GRIK3: variants seen among roughly 807,000 people sequenced by gnomAD.
GRIK3 encodes the protein glutamate ionotropic receptor kainate type subunit 3, also known as glutamate receptor ionotropic, kainate 3.
In GRIK3, 29 loss-of-function variants were observed where a neutral mutation model predicts 102.5. That is an observed-to-expected ratio of 0.28 (90% CI 0.21 to 0.39). The LOEUF (loss-of-function observed/expected upper bound fraction) is 0.39. Among genes scored for constraint, GRIK3 ranks in the 10% least tolerant of loss-of-function variants. GRIK3 has a pLI of 1.00. For synonymous variants in GRIK3, 511 were observed against 504.9 expected, an observed-to-expected ratio of 1.01 and a Z score of -0.16; for missense variants, 908 against 1,252.4, an observed-to-expected ratio of 0.73 and a Z score of 4.15.
chr1:36,815,208 C>T (rs1299781001), intron 13 of GRIK3, among the ~76,000 whole-genome samples: 2 of 152,206 alleles, frequency 1.3e-5, no homozygotes, highest in Admixed American at 6.5e-5. Context: ...GCAAGTCAAC[C>T]AACATCCCTC....
At chr1:36,882,415 T>A (rs1269620903) in intron 2 of GRIK3, among the ~76,000 whole-genome samples, 1 of 152,106 alleles carries the variant, frequency 6.6e-6, no homozygotes, top group Non-Finnish European at 1.5e-5. Flanking sequence ...AATGGGGGAT[T>A]CTGCCTAAAA....
At chr1:36,860,290 C>T (rs1214364148) in intron 5 of GRIK3, among the ~76,000 whole-genome samples, 3 of 152,152 alleles carry the variant, frequency 2.0e-5, no homozygotes, top group African/African-American at 4.8e-5. Context: ...GGGTTCAATC[C>T]CCTTTCTAGG....
chr1:36,806,245 C>T lies in GRIK3; in HGVS notation c.2173G>A (p.Gly725Ser), dbSNP rs1642501187. The T allele has an allele frequency of 6.2e-7, 1 of 1,614,118 alleles. No homozygotes were observed. The highest frequency in any genetic ancestry group is 8.5e-7 in the Non-Finnish European group (1 of 1,179,942). Reference sequence around the variant, plus strand: ...TCGGCCGTCAGGGCCCTCTGGATGCCCTCCTCGTTGTTCTTCACCAGCGCC... The same window carrying T: ...TCGGCCGTCAGGGCCCTCTGGATGCTCTCCTCGTTGTTCTTCACCAGCGCC... Reference protein sequence around the residue: ...PSALVKNNEEGIQRALTADYA... With the variant: ...PSALVKNNEESIQRALTADYA... The change falls in exon 14 of 16, where the codon GGC becomes AGC. Residue 725 changes from glycine (G) to serine (S), a missense_variant. Physicochemically the swap from Gly to Ser is moderately conservative, Grantham distance 56. This residue lies in a region of GRIK3 where 297 missense variants were observed against 362.7 expected (regional missense o/e 0.82). Coordinates refer to ENST00000373091, the MANE Select transcript of GRIK3 (RefSeq NM_000831.4). The surrounding 1 kb of genome is among the most constrained non-coding windows in gnomAD (Gnocchi z 4.0).
chr1:36,807,570 A>G (rs750312837), intron 13 of GRIK3, among the ~76,000 whole-genome samples: 1 of 152,176 alleles, frequency 6.6e-6, no homozygotes, highest in Non-Finnish European at 1.5e-5. Flanking sequence ...GGGATGGGGA[A>G]GAAGCCATGC....
intron 1 of GRIK3, among the ~76,000 whole-genome samples, chr1:36,912,508 C>A (rs568423457): frequency 1.3e-5 from 2 of 152,136 alleles, no homozygotes; most frequent in East Asian, 3.9e-4. Context: ...GGTCTCTCTT[C>A]CCTGCTCCCT....
intron 7 of GRIK3, among the ~76,000 whole-genome samples, chr1:36,853,930 A>C (rs951533171): frequency 1.3e-5 from 2 of 152,142 alleles, no homozygotes; most frequent in Admixed American, 6.5e-5. Flanking sequence ...AGCCAGCTTT[A>C]CATTTGCACC....
At chr1:36,907,843 C>A (rs1641301090) in intron 1 of GRIK3, among the ~76,000 whole-genome samples, 1 of 152,100 alleles carries the variant, frequency 6.6e-6, no homozygotes, top group African/African-American at 2.4e-5. Context: ...TAGGCACAGG[C>A]AGACCTCGAT....
At position 36,911,025 on chromosome 1, in the gene GRIK3, T is replaced by G. The variant is rs528393167; in HGVS notation, c.116-19929A>C. ...ATGGGGGAGGCAGCACCTGACCTGC[T>G]CGGAGCTGAGCTGTGGAAGGAACAC... On this transcript the variant is annotated intron_variant, in intron 1 of 15. Coordinates refer to ENST00000373091, the MANE Select transcript of GRIK3 (RefSeq NM_000831.4). Among the ~76,000 whole-genome samples the G allele has an allele frequency of 2.6e-5, 4 of 152,198 alleles. No homozygotes were observed. The East Asian group carries it at 7.7e-4, about 29-fold the overall frequency.
intron 1 of GRIK3, among the ~76,000 whole-genome samples, chr1:36,891,406 T>C (rs1478329536): frequency 1.3e-5 from 2 of 152,182 alleles, no homozygotes; most frequent in African/African-American, 4.8e-5. Flanking sequence ...CAGGATAACA[T>C]ACCATGACCA....
At chr1:36,962,550 C>A (rs1354553529) in intron 1 of GRIK3, among the ~76,000 whole-genome samples, 2 of 151,268 alleles carry the variant, frequency 1.3e-5, no homozygotes, top group Non-Finnish European at 2.9e-5. Flanking sequence ...AAGCCAGGGC[C>A]CTGGGTTTGT....
At chr1:36,874,125 T>C (rs1160743306) in intron 3 of GRIK3, among the ~76,000 whole-genome samples, 2 of 152,210 alleles carry the variant, frequency 1.3e-5, no homozygotes, top group African/African-American at 2.4e-5. Flanking sequence ...TGTTACTCTA[T>C]CTGGAAAGAG....
At chr1:36,839,143 G>A (rs947157083) in intron 10 of GRIK3, among the ~76,000 whole-genome samples, 3 of 152,060 alleles carry the variant, frequency 2.0e-5, no homozygotes, top group East Asian at 1.9e-4. Flanking sequence ...GCTCACCTCC[G>A]CACCCAGCCT....
chr1:36,995,371 T>C (rs1383349692), intron 1 of GRIK3, among the ~76,000 whole-genome samples: 2 of 152,180 alleles, frequency 1.3e-5, no homozygotes, highest in African/African-American at 2.4e-5. Flanking sequence ...CTTCAAATGA[T>C]TGACTAAGCC....
chr1:36,865,221 AG>A (rs994115743), intron 5 of GRIK3, among the ~76,000 whole-genome samples: 54 of 152,318 alleles, frequency 3.5e-4, no homozygotes, highest in African/African-American at 1.3e-3. Flanking sequence ...GACATGTACC[AG>A]GGGCTCAGCT....
At chr1:36,954,599 G>A (rs1641882301) in intron 1 of GRIK3, among the ~76,000 whole-genome samples, 1 of 152,194 alleles carries the variant, frequency 6.6e-6, no homozygotes, top group African/African-American at 2.4e-5. Context: ...CAGGAGCACA[G>A]GTAGCACATG....
intron 2 of GRIK3, among the ~76,000 whole-genome samples, chr1:36,881,231 G>A (rs967573624): frequency 1.3e-5 from 2 of 152,128 alleles, no homozygotes; most frequent in African/African-American, 2.4e-5. Context: ...TCTGTGCCAG[G>A]TTCTGTTCTT....
Position 36,819,702 on chromosome 1 carries a change from C to A in GRIK3, c.1873+34G>T. 1 of 1,120,972 alleles carries A rather than the reference C, an allele frequency of 8.9e-7. No homozygotes were observed. The highest frequency in any genetic ancestry group is 1.2e-5 in the South Asian group (1 of 80,788). The allele number at this position is 1,120,972 out of a possible 1,614,324, so 69.4% of individuals were successfully genotyped here. ...TGAAGACCGCTTGGGGAAAGCAGAC[C>A]CTGGAAGGGGAGGCCCTGGGAGAGG... On this transcript the variant is annotated intron_variant, in intron 12 of 15. Transcript: ENST00000373091. The surrounding 1 kb of genome is among the most constrained non-coding windows in gnomAD (Gnocchi z 4.1).
intron 1 of GRIK3, among the ~76,000 whole-genome samples, chr1:37,007,540 T>A (rs1438646936): frequency 6.6e-6 from 1 of 152,176 alleles, no homozygotes; most frequent in Admixed American, 6.5e-5. Flanking sequence ...AACTGATGCA[T>A]GGTGGCATTC....
chr1:37,030,660 C>T (rs1642817131), intron 1 of GRIK3, among the ~76,000 whole-genome samples: 1 of 151,616 alleles, frequency 6.6e-6, no homozygotes, highest in South Asian at 2.1e-4. Context: ...CACAGAAGAG[C>T]TGGCCAGGCT....
Sources: gnomAD v4.1 joint callset for allele counts (sites outside exome capture counted in the v4.1 genomes callset) on GRCh38, gnomAD v4.1.1 for gene constraint, gnomAD v4.1.1 regional missense constraint, Gnocchi (gnomAD v3.1) non-coding constraint, MANE v1.5 for transcripts, NCBI Gene and HGNC (gene_info 2026-07-23, HGNC 2026-07-21) for gene names.